NFAT5: variants seen among roughly 807,000 people sequenced by gnomAD.
The protein encoded by NFAT5 is nuclear factor of activated T cells 5, also known as nuclear factor of activated T-cells 5.
A neutral mutation model predicts 166.5 loss-of-function variants in NFAT5; 31 were observed. The observed-to-expected ratio is 0.19, with a 90% CI of 0.14 to 0.25. The LOEUF is 0.25. Ranked by LOEUF, NFAT5 falls within the 10% of genes least tolerant of loss-of-function variation. NFAT5 has a pLI of 1.00. For missense variants in NFAT5, 1,449 were observed against 1,821.8 expected (o/e 0.80, Z 3.72); for synonymous variants, 612 against 639.7 (o/e 0.96, Z 0.65).
At chr16:69,638,417 A>G (rs1438466997) in intron 3 of NFAT5, among the ~76,000 whole-genome samples, 1 of 151,924 alleles carries the variant, frequency 6.6e-6, no homozygotes, top group African/African-American at 2.4e-5. Context: ...ATTTTTTATT[A>G]TTGTTTAATC....
At chr16:69,657,945 C>T (rs1006441323) in intron 6 of NFAT5, among the ~76,000 whole-genome samples, 6 of 150,056 alleles carry the variant, frequency 4.0e-5, no homozygotes, top group East Asian at 4.0e-4. Flanking sequence ...ATTAGCCAGG[C>T]GTGGTGGCGG....
At chr16:69,637,530 AG>A (rs1382520327) in intron 3 of NFAT5, among the ~76,000 whole-genome samples, 3 of 152,202 alleles carry the variant, frequency 2.0e-5, no homozygotes, top group African/African-American at 7.2e-5. Context: ...TCATGGTGGG[AG>A]GCAAAAGGCA....
chr16:69,566,398 G>C lies in NFAT5; in HGVS notation c.73+24G>C, dbSNP rs542783284. Reference sequence around the variant, plus strand: ...AGGTGAGTCAGGCTGTGGGGGGTGGGGCGTGGGGGCGGGGAGACAGGGAGA... The same window carrying C: ...AGGTGAGTCAGGCTGTGGGGGGTGGCGCGTGGGGGCGGGGAGACAGGGAGA... On this transcript the variant is annotated intron_variant, in intron 1 of 14. Transcript: ENST00000349945. The surrounding 1 kb of genome is among the most constrained non-coding windows in gnomAD (Gnocchi z 5.7). The C allele has an allele frequency of 6.6e-7, 1 of 1,523,830 alleles. No individual in the cohort carries two copies. Among genetic ancestry groups the C allele is most frequent in the Admixed American group, 1.9e-5 (1 of 52,436 alleles). The allele number at this position is 1,523,830 out of a possible 1,614,324, so 94.4% of individuals were successfully genotyped here. A position where few individuals can be genotyped will look rare whatever the true frequency, so the allele number is the denominator to read the frequency against.
Position 69,696,523 on chromosome 16 carries a change from A to G in NFAT5, c.*172A>G, listed in dbSNP as rs1437134. On this transcript the variant is annotated 3_prime_UTR_variant, in exon 15 of 15. Transcript: ENST00000349945. Reference sequence around the variant, plus strand: ...GCACACCTATGCTGCTTGTTGCAGTAACTAACCACCAATGTTAACATCTTC... The same window carrying G: ...GCACACCTATGCTGCTTGTTGCAGTGACTAACCACCAATGTTAACATCTTC... 0.66 allele frequency: 100,227 copies of G among 152,482 alleles called. 33,694 individuals are homozygous for G. Among genetic ancestry groups the G allele is most frequent in the East Asian group, 0.89 (4,589 of 5,182 alleles). 9.4% of individuals were successfully genotyped at this position (152,482 alleles called of 1,614,324 possible).
intron 3 of NFAT5, among the ~76,000 whole-genome samples, chr16:69,630,985 C>G (rs984022282): frequency 3.2e-4 from 49 of 152,230 alleles, no homozygotes; most frequent in African/African-American, 1.2e-3. Context: ...TTTAAGAAAT[C>G]AAGTTACTTT....
At chr16:69,567,175 C>T (rs942862344) in intron 1 of NFAT5, among the ~76,000 whole-genome samples, 3 of 152,224 alleles carry the variant, frequency 2.0e-5, no homozygotes, top group Non-Finnish European at 4.4e-5. Flanking sequence ...AGAATTTTCT[C>T]TGCTTTTCCG....
chr16:69,674,698 T>C (rs1278998146), intron 9 of NFAT5, among the ~76,000 whole-genome samples: 2 of 152,196 alleles, frequency 1.3e-5, no homozygotes, highest in African/African-American at 2.4e-5. Flanking sequence ...ATTGTAGATA[T>C]TCTAATTATG....
intron 3 of NFAT5, among the ~76,000 whole-genome samples, chr16:69,643,780 ATG>A (rs2035318712): frequency 6.6e-6 from 1 of 152,150 alleles, no homozygotes; most frequent in Non-Finnish European, 1.5e-5. Context: ...TTTTATTACA[ATG>A]TAGGCACTGT....
chr16:69,597,908 A>G (rs1011549008), intron 2 of NFAT5, among the ~76,000 whole-genome samples: 8 of 152,130 alleles, frequency 5.3e-5, no homozygotes, highest in African/African-American at 1.9e-4. Flanking sequence ...TAGTGTGAAT[A>G]GAGGGTAGAT....
intron 2 of NFAT5, among the ~76,000 whole-genome samples, chr16:69,588,980 CTTTTTTTTTTTT>C (rs945918292): frequency 8.1e-4 from 28 of 34,372 alleles, no homozygotes; most frequent in South Asian, 4.1e-3. Context: ...TTTCCTACTT[CTTTTTTTTTTTT>C]TTTTTTTTTT....
intron 2 of NFAT5, among the ~76,000 whole-genome samples, chr16:69,593,777 G>A (rs1052408210): frequency 2.6e-5 from 4 of 152,088 alleles, no homozygotes; most frequent in African/African-American, 7.2e-5. Context: ...AAGAAAACAC[G>A]CCATTTTGTG....
At chr16:69,634,277 CAAAA>C (rs745354566) in intron 3 of NFAT5, among the ~76,000 whole-genome samples, 10 of 84,960 alleles carry the variant, frequency 1.2e-4, no homozygotes, top group Admixed American at 1.5e-4. Context: ...TTCCGACTCA[CAAAA>C]AAAAAAAAAA....
chr16:69,600,053 T>C (rs1240697840), intron 2 of NFAT5, among the ~76,000 whole-genome samples: 1 of 151,962 alleles, frequency 6.6e-6, no homozygotes, highest in Non-Finnish European at 1.5e-5. Flanking sequence ...TCAGGTGAGA[T>C]GATTAGATCA....
intron 9 of NFAT5, among the ~76,000 whole-genome samples, chr16:69,675,185 G>A (rs2036783118): frequency 6.6e-6 from 1 of 152,236 alleles, no homozygotes; most frequent in South Asian, 2.1e-4. Flanking sequence ...TCCAAAGCAA[G>A]TAGAGTAAAA....
chr16:69,619,332 T>C (rs1396513044), intron 2 of NFAT5, among the ~76,000 whole-genome samples: 4 of 152,204 alleles, frequency 2.6e-5, no homozygotes, highest in African/African-American at 9.6e-5. Context: ...ATAGCCCTAA[T>C]TTTGTTGTAT....
intron 2 of NFAT5, among the ~76,000 whole-genome samples, chr16:69,590,884 G>T (rs1000524850): frequency 6.6e-6 from 1 of 152,136 alleles, no homozygotes; most frequent in African/African-American, 2.4e-5. Context: ...ATTTAGGCAC[G>T]ATCTGGACCT....
chr16:69,657,353 C>T (rs919494473), intron 6 of NFAT5, among the ~76,000 whole-genome samples: 4 of 151,674 alleles, frequency 2.6e-5, no homozygotes, highest in African/African-American at 7.3e-5. Context: ...TGGTCTTGAA[C>T]TCCTGACCTC....
intron 2 of NFAT5, among the ~76,000 whole-genome samples, chr16:69,595,947 T>C (rs1393108756): frequency 6.6e-6 from 1 of 152,178 alleles, no homozygotes; most frequent in Non-Finnish European, 1.5e-5. Flanking sequence ...ATGTCCTGGA[T>C]GGGATGGAGC....
chr16:69,647,063 G>A lies in NFAT5; in HGVS notation c.289G>A (p.Gly97Ser), dbSNP rs755756855. ...SSAPSSSSMG[G>S]ACSSFTTSSS... ...AGCTCCCTCCTCTTCCTCCATGGGC[G>A]GTGCTTGCAGCTCCTTTACCACCTC... The change falls in exon 4 of 15, where the codon GGT becomes AGT. Residue 97 changes from glycine (G) to serine (S), a missense_variant. Around this residue, in one of 7 missense-constraint regions of NFAT5, gnomAD observed 172 missense variants for 194.5 expected, o/e 0.88. Coordinates refer to ENST00000349945, the MANE Select transcript of NFAT5 (RefSeq NM_138713.4). This position sits in a 1 kb window ranked among gnomAD's most constrained non-coding sequence, Gnocchi z 4.8. 1.9e-6 allele frequency: 3 copies of A among 1,599,058 alleles called. No homozygotes were observed. Among genetic ancestry groups the A allele is most frequent in the Non-Finnish European group, 2.6e-6 (3 of 1,170,162 alleles).
Sources: allele counts gnomAD v4.1 joint callset (sites outside exome capture counted in the v4.1 genomes callset), GRCh38; gene constraint gnomAD v4.1.1; regional missense constraint gnomAD v4.1.1; non-coding constraint Gnocchi (gnomAD v3.1); transcripts MANE v1.5; gene names NCBI Gene and HGNC (gene_info 2026-07-23, HGNC 2026-07-21).